SLCO2A1: variants seen among roughly 807,000 people sequenced by gnomAD.
The protein encoded by SLCO2A1 is matrin F/G 1.
Under a neutral mutation model 71.7 loss-of-function variants are expected in SLCO2A1, and 60 were observed. The ratio of observed to expected loss-of-function variants is 0.84; its 90% CI spans 0.68 to 1.04. The LOEUF (loss-of-function observed/expected upper bound fraction) is 1.04, where lower values mean the gene tolerates loss of function less well. Among genes scored for constraint, SLCO2A1 ranks in the 50% least tolerant of loss-of-function variants. The pLI is 0.00. For missense variants in SLCO2A1, 745 were observed against 813.4 expected, an observed-to-expected ratio of 0.92 and a Z score of 1.02; for synonymous variants, 308 against 326.7, an observed-to-expected ratio of 0.94 and a Z score of 0.62.
At chr3:133,946,212 A>C (rs1933573598) in intron 9 of SLCO2A1, among the ~76,000 whole-genome samples, 1 of 151,392 alleles carries the variant, frequency 6.6e-6, no homozygotes, top group Admixed American at 6.6e-5. Context: ...TTCACCCACC[A>C]AAGACAGAGG....
At chr3:133,965,766 C>CTTGGCCCAGGCAGCT in intron 3 of SLCO2A1, among the ~76,000 whole-genome samples, 1 of 125,516 alleles carries the variant, frequency 8.0e-6, no homozygotes, top group African/African-American at 2.7e-5. Context: ...CAGCACCGCA[C>CTTGGCCCAGGCAGCT]TGGGCCCCCA....
chr3:133,960,560 G>A (rs947691831), intron 3 of SLCO2A1, among the ~76,000 whole-genome samples: 3 of 152,192 alleles, frequency 2.0e-5, no homozygotes, highest in African/African-American at 7.2e-5. Flanking sequence ...AGATGGGAAT[G>A]AAGAGTTAGT....
chr3:134,028,838 C>A (rs1489157208), intron 1 of SLCO2A1, among the ~76,000 whole-genome samples: 1 of 152,222 alleles, frequency 6.6e-6, no homozygotes, highest in African/African-American at 2.4e-5. Context: ...CTAGGCAGAA[C>A]GGGCAAAAGA....
At chr3:133,969,422 T>A (rs1014883224) in intron 3 of SLCO2A1, among the ~76,000 whole-genome samples, 1 of 152,188 alleles carries the variant, frequency 6.6e-6, no homozygotes, top group Admixed American at 6.5e-5. Context: ...GAGCCTTGAT[T>A]GCTGCCCAGG....
chr3:133,980,478 C>G (rs921405698), intron 1 of SLCO2A1, among the ~76,000 whole-genome samples: 7 of 152,226 alleles, frequency 4.6e-5, no homozygotes, highest in African/African-American at 1.7e-4. Context: ...CTGGGCTCCC[C>G]CAGGTTCTCA....
At chr3:133,967,709 G>T (rs760840210) in intron 3 of SLCO2A1, among the ~76,000 whole-genome samples, 1 of 151,164 alleles carries the variant, frequency 6.6e-6, no homozygotes, top group Non-Finnish European at 1.5e-5. Context: ...GCTCCACCCC[G>T]CCCTCCACCA....
chr3:133,952,341 T>A (rs1933765277), intron 5 of SLCO2A1, among the ~76,000 whole-genome samples: 1 of 152,202 alleles, frequency 6.6e-6, no homozygotes, highest in African/African-American at 2.4e-5. Flanking sequence ...AGCAGCATGG[T>A]TGCAACTAGC....
rs150677069 is a variant in SLCO2A1 at position 133,973,694 on chromosome 3, G to A, written c.366C>T (p.Ser122=). 107 of 1,613,924 alleles carry A rather than the reference G, an allele frequency of 6.6e-5. No homozygotes were observed. The highest frequency in any genetic ancestry group is 3.3e-4 in the Admixed American group (20 of 60,000). ...TGGCCAAGGTGTACTGGTAGGGCTC[G>A]GAGAGGAAGTGTGGGAGGGTGAGGA... The part of the protein sequence containing the change: ...AFILTLPHFL[S]EPYQYTLAST... Residue 122 remains serine (S), a synonymous_variant, in exon 3 of 14, where the codon TCC becomes TCT. Coordinates refer to ENST00000310926, the MANE Select transcript of SLCO2A1 (RefSeq NM_005630.3).
chr3:133,955,407 T>C, intron 3 of SLCO2A1: 1 of 568,900 alleles, frequency 1.8e-6, no homozygotes, highest in Non-Finnish European at 3.1e-6. Context: ...AGAGGTGGAA[T>C]GTGGGCTCCC....
chr3:134,014,809 T>C (rs912500250), intron 1 of SLCO2A1, among the ~76,000 whole-genome samples: 1 of 152,190 alleles, frequency 6.6e-6, no homozygotes, highest in African/African-American at 2.4e-5. Flanking sequence ...ACTGGATATG[T>C]GGCATTGGAT....
chr3:133,945,309 A>C, intron 9 of SLCO2A1, 49 bp from the exon 10 acceptor site: 1 of 1,547,240 alleles, frequency 6.5e-7, no homozygotes, highest in East Asian at 2.3e-5. Flanking sequence ...AGACCAAAGA[A>C]AAACCCTACA....
chr3:133,935,906 G>A lies in SLCO2A1; in HGVS notation c.1691-9C>T, dbSNP rs763181999. On this transcript the variant is annotated splice_polypyrimidine_tract_variant and intron_variant, in intron 12 of 13. Coordinates refer to ENST00000310926, the MANE Select transcript of SLCO2A1 (RefSeq NM_005630.3). ...TGGAGATGGCAGCCAGGCTGGAAGA[G>A]GGTTCAGAAAGCCCTGGTCAGGTGG... 1 of 1,585,282 alleles carries A rather than the reference G, an allele frequency of 6.3e-7. No individual in the cohort carries two copies.
intron 12 of SLCO2A1, among the ~76,000 whole-genome samples, chr3:133,936,691 C>T (rs867944470): frequency 2.2e-4 from 33 of 152,184 alleles, no homozygotes; most frequent in Non-Finnish European, 2.1e-4. Flanking sequence ...GTGCTGACAA[C>T]AGCCTCCCAG....
chr3:133,980,505 C>T (rs1419715945), intron 1 of SLCO2A1, among the ~76,000 whole-genome samples: 2 of 152,196 alleles, frequency 1.3e-5, no homozygotes, highest in African/African-American at 2.4e-5. Context: ...GCGCTGACAC[C>T]GAACAGGCTC....
In SLCO2A1 at chr3:133,992,610, C is replaced by T. The variant is rs570495435; in HGVS notation, c.97-12992G>A. 2.0e-5 allele frequency among the ~76,000 whole-genome samples: 3 copies of T among 152,330 alleles called. No homozygotes were observed. The South Asian group carries it at 6.2e-4, about 32-fold the overall frequency. On this transcript the variant is annotated intron_variant, in intron 1 of 13. Transcript: ENST00000310926. ...CCACCCATGGCCCGCCCTGCACCCC[C>T]ATCCTGAGCCCATAAAAACCCCAGG...
intron 1 of SLCO2A1, among the ~76,000 whole-genome samples, chr3:133,989,011 T>C (rs1934776419): frequency 6.6e-6 from 1 of 152,218 alleles, no homozygotes. Context: ...GATCAAAGGC[T>C]ACTCTCCTTG....
At chr3:134,029,141 C>T (rs1280967710) in intron 1 of SLCO2A1, among the ~76,000 whole-genome samples, 1 of 152,100 alleles carries the variant, frequency 6.6e-6, no homozygotes, top group Non-Finnish European at 1.5e-5. Context: ...TAACTGCGAG[C>T]GGCACAGCCA....
chr3:134,027,442 C>T (rs566073311), intron 1 of SLCO2A1, among the ~76,000 whole-genome samples: 7 of 152,336 alleles, frequency 4.6e-5, no homozygotes, highest in East Asian at 1.9e-4. Flanking sequence ...CCCCCAGTCA[C>T]GTACCCACTG....
chr3:134,011,329 G>A (rs1260854915), intron 1 of SLCO2A1, among the ~76,000 whole-genome samples: 2 of 152,202 alleles, frequency 1.3e-5, no homozygotes, highest in Admixed American at 6.5e-5. Flanking sequence ...AATTACAGGC[G>A]TGAGCCACTG....
Sources: allele counts gnomAD v4.1 joint callset (sites outside exome capture counted in the v4.1 genomes callset), GRCh38; gene constraint gnomAD v4.1.1; transcripts MANE v1.5; gene names NCBI Gene and HGNC (gene_info 2026-07-23, HGNC 2026-07-21).